The following FAM151B variants were observed in gnomAD, a reference collection of about 807,000 sequenced individuals.
FAM151B encodes the protein family with sequence similarity 151 member B.
Under a neutral mutation model 31.2 loss-of-function variants are expected in FAM151B, and 24 were observed. That is an observed-to-expected ratio of 0.77 (90% CI 0.56 to 1.08). The LOEUF is 1.08. FAM151B is among the 50% of genes least tolerant of loss of function. FAM151B has a pLI of 0.00. For missense variants in FAM151B, 293 were observed against 328.6 expected (o/e 0.89, Z 0.84); for synonymous variants, 105 against 111.4 (o/e 0.94, Z 0.36).
intron 3 of FAM151B, among the ~76,000 whole-genome samples, chr5:80,515,382 G>A (rs1744391140): frequency 6.6e-6 from 1 of 152,176 alleles, no homozygotes; most frequent in Non-Finnish European, 1.5e-5. Flanking sequence ...AGCTTTGACA[G>A]GTAAGCTACA....
In FAM151B at chr5:80,541,942, C is replaced by A; in HGVS notation, c.*110C>A. On this transcript the variant is annotated 3_prime_UTR_variant, in exon 6 of 6. Coordinates refer to ENST00000282226, the MANE Select transcript of FAM151B (RefSeq NM_205548.3). ...GTTATTGATTGACGTTCCAAGTCAT[C>A]TAATCAAGAAACGTTTATTGTATGC... The A allele has an allele frequency of 8.5e-7, 1 of 1,180,888 alleles. No individual in the cohort carries two copies. The highest frequency in any genetic ancestry group is 1.2e-6 in the Non-Finnish European group (1 of 850,736). The allele number at this position is 1,180,888 out of a possible 1,614,324, so 73.2% of individuals were successfully genotyped here. A position where few individuals can be genotyped will look rare whatever the true frequency, so the allele number is the denominator to read the frequency against.
At chr5:80,514,476 AAAT>A (rs139355800) in intron 3 of FAM151B, among the ~76,000 whole-genome samples, 68,490 of 139,042 alleles carry the variant, frequency 0.49, 17,500 homozygotes, top group Non-Finnish European at 0.59. Flanking sequence ...ACTCCCTCTC[AAAT>A]AATAATAATA....
At chr5:80,492,314 T>G (rs571859507) in intron 1 of FAM151B, among the ~76,000 whole-genome samples, 2 of 152,308 alleles carry the variant, frequency 1.3e-5, no homozygotes, top group East Asian at 3.9e-4. Flanking sequence ...ATTTTAAAAT[T>G]ATTATATTTA....
At chr5:80,498,416 C>A (rs1743626341) in intron 1 of FAM151B, 1 of 382,352 alleles carries the variant, frequency 2.6e-6, no homozygotes, top group Non-Finnish European at 4.9e-6. Flanking sequence ...CCCCTCCATT[C>A]TCTGATATCT....
At chr5:80,494,472 C>CTTTCT (rs1561359235) in intron 1 of FAM151B, among the ~76,000 whole-genome samples, 2 of 87,654 alleles carry the variant, frequency 2.3e-5, no homozygotes, top group African/African-American at 7.8e-5. Flanking sequence ...TTCTTTCTTT[C>CTTTCT]TTTCTTTCTT....
chr5:80,541,106 AG>A (rs1472639802), intron 5 of FAM151B, among the ~76,000 whole-genome samples: 1 of 152,246 alleles, frequency 6.6e-6, no homozygotes, highest in Non-Finnish European at 1.5e-5. Context: ...GAATTTACAT[AG>A]GTTATTGGTT....
chr5:80,515,861 G>A (rs1209680799), intron 3 of FAM151B, among the ~76,000 whole-genome samples: 4 of 152,284 alleles, frequency 2.6e-5, no homozygotes, highest in Middle Eastern at 6.8e-3. Context: ...CGCTTGTCAC[G>A]TAGTTGTTAG....
At chr5:80,503,575 A>T (rs969372872) in intron 2 of FAM151B, among the ~76,000 whole-genome samples, 1 of 152,170 alleles carries the variant, frequency 6.6e-6, no homozygotes, top group African/African-American at 2.4e-5. Context: ...GTCTCAAAAA[A>T]AAAGAAAGAA....
intron 1 of FAM151B, among the ~76,000 whole-genome samples, chr5:80,491,854 C>G (rs1364137760): frequency 6.6e-6 from 1 of 152,176 alleles, no homozygotes; most frequent in Non-Finnish European, 1.5e-5. Flanking sequence ...ACCACATTTT[C>G]TTTATCCATT....
intron 1 of FAM151B, among the ~76,000 whole-genome samples, chr5:80,494,845 C>T (rs182308297): frequency 6.6e-6 from 1 of 151,624 alleles, no homozygotes; most frequent in East Asian, 1.9e-4. Flanking sequence ...ATAAAACAGC[C>T]TTCTATTGTA....
intron 3 of FAM151B, among the ~76,000 whole-genome samples, chr5:80,516,824 G>A (rs1744466378): frequency 6.6e-6 from 1 of 152,182 alleles, no homozygotes; most frequent in East Asian, 1.9e-4. Flanking sequence ...TCCAGGCTTG[G>A]TCTGTTATTT....
chr5:80,527,437 A>AG (rs1293414894), intron 5 of FAM151B, among the ~76,000 whole-genome samples: 2 of 152,090 alleles, frequency 1.3e-5, no homozygotes, highest in African/African-American at 4.8e-5. Context: ...AAAAAAAAAA[A>AG]AAAATTTCAT....
At position 80,541,881 on chromosome 5, in the gene FAM151B, C is replaced by G; in HGVS notation, c.*49C>G. 2 of 1,544,176 alleles carry G rather than the reference C, an allele frequency of 1.3e-6. No individual in the cohort carries two copies. The highest frequency in any genetic ancestry group is 1.8e-6 in the Non-Finnish European group (2 of 1,136,748). ...TGTGTTTTGGTTTCATAATCCTTCT[C>G]TCCATTGGTCTGAATTAATTACCAT... On this transcript the variant is annotated 3_prime_UTR_variant, in exon 6 of 6. Transcript: ENST00000282226.
In FAM151B at chr5:80,522,085, A is replaced by T. The variant is rs375658693; in HGVS notation, c.618A>T (p.Ala206=). The T allele has an allele frequency of 2.4e-5, 38 of 1,613,308 alleles. No homozygotes were observed. Among genetic ancestry groups the T allele is most frequent in the African/African-American group, 2.7e-5 (2 of 74,934 alleles). Residue 206 remains alanine, a synonymous_variant, in exon 5 of 6, where the codon GCA becomes GCT. Coordinates refer to ENST00000282226, the MANE Select transcript of FAM151B (RefSeq NM_205548.3). The stretch of plus-strand genomic sequence containing the variant: ...CTGTAACGTTCCCTGTCAGAGCAGC[A>T]TTAGTCAGGCAGTCTTGTTCTCAGT... ...SQPVTFPVRA[A]LVRQSCSQLL... is the part of the protein sequence containing the mutation.
intron 5 of FAM151B, 55 bp from the exon 6 acceptor site, chr5:80,541,618 G>T: frequency 1.3e-6 from 2 of 1,533,634 alleles, no homozygotes; most frequent in South Asian, 2.4e-5. Flanking sequence ...TTATTGGAAT[G>T]ACTCATCGCT....
intron 1 of FAM151B, among the ~76,000 whole-genome samples, chr5:80,496,832 A>G (rs2112599695): frequency 1.2e-5 from 1 of 83,658 alleles, no homozygotes; most frequent in East Asian, 4.1e-4. Context: ...TTTTTTTGAG[A>G]CGGAGTCTTG....
intron 5 of FAM151B, among the ~76,000 whole-genome samples, chr5:80,539,703 G>A (rs909265589): frequency 3.3e-4 from 50 of 151,568 alleles, no homozygotes; most frequent in African/African-American, 1.1e-3. Context: ...TGTTACCCAG[G>A]GTGGTCTTGA....
At chr5:80,533,934 T>A (rs569457943) in intron 5 of FAM151B, among the ~76,000 whole-genome samples, 4 of 152,168 alleles carry the variant, frequency 2.6e-5, no homozygotes, top group African/African-American at 9.6e-5. Context: ...ACATTACAAT[T>A]GATACTGTGG....
intron 1 of FAM151B, among the ~76,000 whole-genome samples, chr5:80,492,462 G>T (rs1489439076): frequency 2.0e-5 from 3 of 152,058 alleles, no homozygotes; most frequent in African/African-American, 7.2e-5. Context: ...GGCTTGGCGA[G>T]GATAAAAAAT....
Sources: gnomAD v4.1 joint callset for allele counts (sites outside exome capture counted in the v4.1 genomes callset) on GRCh38, gnomAD v4.1.1 for gene constraint, MANE v1.5 for transcripts, NCBI Gene and HGNC (gene_info 2026-07-23, HGNC 2026-07-21) for gene names.